Variants in CHEK2 observed in about 807,000 individuals in gnomAD.
CHEK2 encodes serine/threonine-protein kinase Chk2.
A neutral mutation model predicts 69.1 loss-of-function variants in CHEK2; 71 were observed. The ratio of observed to expected loss-of-function variants is 1.03; its 90% CI spans 0.85 to 1.25. The LOEUF is 1.25. CHEK2 is among the 50% of genes most tolerant of loss of function. CHEK2 has a pLI of 0.00. For synonymous variants in CHEK2, 189 were observed against 226.9 expected (o/e 0.83, Z 1.50); for missense variants, 664 against 649.6 (o/e 1.02, Z -0.24).
chr22:28,720,692 A>G (rs1364107444), intron 4 of CHEK2, among the ~76,000 whole-genome samples: 2 of 152,226 alleles, frequency 1.3e-5, no homozygotes, highest in African/African-American at 4.8e-5. Context: ...AGGCTGGTAC[A>G]CAAGAGGCAG....
intron 1 of CHEK2, among the ~76,000 whole-genome samples, chr22:28,741,236 C>A (rs1284825863): frequency 6.7e-6 from 1 of 149,010 alleles, no homozygotes; most frequent in Non-Finnish European, 1.5e-5. Context: ...TTTAAAAATT[C>A]CAGAGGTCTT....
intron 7 of CHEK2, among the ~76,000 whole-genome samples, chr22:28,707,684 C>T (rs1420957041): frequency 6.6e-6 from 1 of 152,254 alleles, no homozygotes; most frequent in East Asian, 1.9e-4. Context: ...GTTTCTTGTG[C>T]CCTTGTAAAA....
intron 2 of CHEK2, among the ~76,000 whole-genome samples, chr22:28,732,075 G>A (rs2054233541): frequency 6.6e-6 from 1 of 151,998 alleles, no homozygotes. Context: ...CTGTGTGGGT[G>A]GGATTACAGA....
In CHEK2 at chr22:28,703,600, G is replaced by A. The variant is rs1166851412; in HGVS notation, c.847-34C>T. 2 of 1,347,530 alleles carry A rather than the reference G, an allele frequency of 1.5e-6. No individual in the cohort carries two copies. The highest frequency in any genetic ancestry group is 2.1e-6 in the Non-Finnish European group (2 of 948,748). The allele number at this position is 1,347,530 out of a possible 1,614,324, so 83.5% of individuals were successfully genotyped here. On this transcript the variant is annotated intron_variant, in intron 7 of 14. Transcript: ENST00000404276. ...AGGGGGAGAAAAAAGGGAAAGTAGT[G>A]AGAAACTCCCAAGAGGAAAACCACA... is the stretch of plus-strand genomic sequence containing the variant.
chr22:28,695,946 CAAG>C, intron 10 of CHEK2, 73 bp from the exon 11 acceptor site: 2 of 1,192,612 alleles, frequency 1.7e-6, no homozygotes, highest in South Asian at 2.5e-5. Context: ...TCTGCCAGTC[CAAG>C]AAGACACGTA....
In CHEK2 at chr22:28,734,424, G is replaced by A. The variant is rs2054311767; in HGVS notation, c.298C>T (p.Gln100Ter). ...PAPWARLWAL[Q>*]DGFANLECVN... Reference sequence around the variant, plus strand: ...TTACCAAGATTGGCAAATCCATCCTGAAGGGCCCATAATCGAGCCCAGGGG... The same window carrying A: ...TTACCAAGATTGGCAAATCCATCCTAAAGGGCCCATAATCGAGCCCAGGGG... The change falls in exon 2 of 15, where the codon CAG (glutamine) becomes TAG (stop). Residue 100 changes from glutamine (Q) to a stop codon, truncating the protein, a stop_gained. Coordinates refer to ENST00000404276, the MANE Select transcript of CHEK2 (RefSeq NM_007194.4). LOFTEE classifies it high-confidence loss of function. The A allele has an allele frequency of 1.2e-6, 2 of 1,613,954 alleles. No individual in the cohort carries two copies. The highest frequency in any genetic ancestry group is 1.7e-6 in the Non-Finnish European group (2 of 1,179,890).
rs766191039 is a variant in CHEK2, at chr22:28,695,744, C to G, written c.1225G>C (p.Asp409His). Residue 409 changes from aspartate to histidine, a missense_variant, in exon 11 of 15, where the codon GAC (aspartate) becomes CAC (histidine). By Grantham distance (81) the Asp-to-His change is moderately conservative. Transcript: ENST00000404276. Reference protein sequence around the residue: ...VGTAGYNRAVDCWSLGVILFI... With the variant: ...VGTAGYNRAVHCWSLGVILFI... The stretch of plus-strand genomic sequence containing the variant: ...AGAATAACTCCTAAACTCCAGCAGT[C>G]CACAGCACGGTTATACCCAGCAGTC... 3 of 1,613,840 alleles carry G rather than the reference C, an allele frequency of 1.9e-6. No individual in the cohort carries two copies. In the South Asian group the frequency reaches 3.3e-5, roughly 18 times the overall value.
chr22:28,717,228 A>C (rs2053616619), intron 5 of CHEK2, among the ~76,000 whole-genome samples: 1 of 152,104 alleles, frequency 6.6e-6, no homozygotes, highest in South Asian at 2.1e-4. Flanking sequence ...AATACAAAAA[A>C]TTAGCTGGGT....
intron 13 of CHEK2, among the ~76,000 whole-genome samples, chr22:28,691,542 T>A (rs2052363728): frequency 6.6e-6 from 1 of 152,238 alleles, no homozygotes; most frequent in South Asian, 2.1e-4. Flanking sequence ...TTCCAAAATA[T>A]TAAATTAGCC....
chr22:28,734,085 G>A (rs140838764), intron 2 of CHEK2, among the ~76,000 whole-genome samples: 1 of 152,256 alleles, frequency 6.6e-6, no homozygotes, highest in African/African-American at 2.4e-5. Flanking sequence ...AATGGGCTGT[G>A]AGCCAGCACT....
At chr22:28,697,100 C>T (rs1450338489) in intron 9 of CHEK2, 113 bp from the exon 10 acceptor site, 3 of 728,160 alleles carry the variant, frequency 4.1e-6, no homozygotes, top group Non-Finnish European at 7.5e-6. Flanking sequence ...CCGTGATACA[C>T]ACAACCATAT....
At chr22:28,703,595 G>A (rs375054921) in intron 7 of CHEK2, 29 bp from the exon 8 acceptor site, 25 of 1,420,174 alleles carry the variant, frequency 1.8e-5, no homozygotes, top group Non-Finnish European at 2.5e-5. Flanking sequence ...AAAAGGGAAA[G>A]TAGTGAGAAA....
rs1601851716 is a variant in CHEK2 at position 28,734,456 on chromosome 22, G to A, written c.266C>T (p.Thr89Ile). The change falls in exon 2 of 15, where the codon ACC (threonine) becomes ATC (isoleucine). Residue 89 changes from threonine to isoleucine, a missense_variant. Physicochemically the swap from Thr to Ile is moderately conservative, Grantham distance 89. Coordinates refer to ENST00000404276, the MANE Select transcript of CHEK2 (RefSeq NM_007194.4). ...EPEDQEPEEP[T>I]PAPWARLWAL... ...CCATAATCGAGCCCAGGGGGCAGGGGTAGGCTCCTCAGGTTCTTGGTCCTC... is the reference window on the plus strand; with the variant it reads ...CCATAATCGAGCCCAGGGGGCAGGGATAGGCTCCTCAGGTTCTTGGTCCTC... The A allele has an allele frequency of 6.2e-7, 1 of 1,614,094 alleles. No individual in the cohort carries two copies. Among genetic ancestry groups the A allele is most frequent in the Non-Finnish European group, 8.5e-7 (1 of 1,179,984 alleles).
intron 8 of CHEK2, among the ~76,000 whole-genome samples, chr22:28,702,233 A>AT (rs71709249): frequency 0.57 from 72,722 of 128,114 alleles, 20,286 homozygotes; most frequent in East Asian, 0.71. Flanking sequence ...TTCTTTCTCT[A>AT]TTTTTTTTTT....
At chr22:28,693,582 C>T (rs1007140193) in intron 13 of CHEK2, among the ~76,000 whole-genome samples, 6 of 152,100 alleles carry the variant, frequency 3.9e-5, no homozygotes, top group African/African-American at 1.4e-4. Flanking sequence ...ACAGGAGACT[C>T]GGGGCAGCCA....
At chr22:28,721,012 G>C (rs2053755357) in intron 4 of CHEK2, among the ~76,000 whole-genome samples, 1 of 152,202 alleles carries the variant, frequency 6.6e-6, no homozygotes, top group Admixed American at 6.5e-5. Context: ...TCCTCCGGTT[G>C]TGGGACTATA....
intron 13 of CHEK2, among the ~76,000 whole-genome samples, chr22:28,690,453 A>T (rs1280215438): frequency 6.6e-6 from 1 of 151,604 alleles, no homozygotes; most frequent in African/African-American, 2.4e-5. Flanking sequence ...ACATGGTGAA[A>T]CCCCTTCTCT....
At position 28,731,816 on chromosome 22, in the gene CHEK2, CT is replaced by C. The variant is rs367891609; in HGVS notation, c.319+2586del. The stretch of plus-strand genomic sequence containing the variant: ...GAGCTGGGATTACAGTTGAGAGCCC[CT>C]GCACCCAGCCTCTTTGTTTTCTTAC... On this transcript the variant is annotated intron_variant, in intron 2 of 14. Transcript: ENST00000404276. Among the ~76,000 whole-genome samples, 135 of 152,238 alleles carry C rather than the reference CT, an allele frequency of 8.9e-4. 3 individuals are homozygous for C. In the South Asian group the frequency reaches 0.016, roughly 18 times the overall value.
Position 28,687,790 on chromosome 22 carries a change from C to A in CHEK2, c.*107G>T. On this transcript the variant is annotated 3_prime_UTR_variant, in exon 15 of 15. Transcript: ENST00000404276. ...TTGTACATCAGTGACTGTGAAAAAG[C>A]AATTATTCCCATAATTAAAATACAA... is the stretch of plus-strand genomic sequence containing the variant. 2 of 908,882 alleles carry A rather than the reference C, an allele frequency of 2.2e-6. No homozygotes were observed. The highest frequency in any genetic ancestry group is 3.5e-6 in the Non-Finnish European group (2 of 575,998). 56.3% of individuals were successfully genotyped at this position (908,882 alleles called of 1,614,324 possible).
Sources: allele counts gnomAD v4.1 joint callset (sites outside exome capture counted in the v4.1 genomes callset), GRCh38; gene constraint gnomAD v4.1.1; transcripts MANE v1.5; gene names NCBI Gene and HGNC (gene_info 2026-07-23, HGNC 2026-07-21).